Variants in KLF8 observed in about 807,000 individuals in gnomAD.
KLF8 encodes the protein Krueppel-like factor 8.
A neutral mutation model predicts 18.2 loss-of-function variants in KLF8; 10 were observed. The ratio of observed to expected loss-of-function variants is 0.55; its 90% confidence interval spans 0.34 to 0.93. KLF8 has a LOEUF of 0.93. Ranked by LOEUF, KLF8 falls within the 40% of genes least tolerant of loss-of-function variation. The pLI, the probability that KLF8 is intolerant of heterozygous loss-of-function variation, is 0.02. For synonymous variants in KLF8, 109 were observed against 97.3 expected (o/e 1.12, Z -0.71); for missense variants, 264 against 277.9 (o/e 0.95, Z 0.36).
the KLF8 span, among the ~76,000 whole-genome samples, chrX:56,077,133 C>A: frequency 8.9e-6 from 1 of 111,843 alleles, no homozygotes; most frequent in South Asian, 3.7e-4. Context: ...TGTGCAGAAG[C>A]TATTTAATTT....
the KLF8 span, among the ~76,000 whole-genome samples, chrX:55,968,794 T>G: frequency 8.9e-6 from 1 of 112,227 alleles, no homozygotes; most frequent in South Asian, 3.7e-4. Flanking sequence ...ATTAAACCTC[T>G]TTCCTTTATA....
At chrX:56,188,489 A>C in the KLF8 span, among the ~76,000 whole-genome samples, 2 of 111,950 alleles carry the variant, frequency 1.8e-5, no homozygotes, top group Admixed American at 9.5e-5. Context: ...CAAGCTACCA[A>C]TGACTTTCTT....
chrX:56,157,062 G>T, the KLF8 span, among the ~76,000 whole-genome samples: 2 of 102,440 alleles, frequency 2.0e-5, no homozygotes, highest in Admixed American at 1.0e-4. Flanking sequence ...CCATAAAAAA[G>T]GATGAGTTCA....
At chrX:56,154,119 G>A in the KLF8 span, among the ~76,000 whole-genome samples, 51 of 110,918 alleles carry the variant, frequency 4.6e-4, no homozygotes, top group African/African-American at 1.3e-3. Flanking sequence ...AGCCCACATC[G>A]CCAAGTCAAT....
chrX:56,209,025 G>A, the KLF8 span, among the ~76,000 whole-genome samples: 2 of 111,562 alleles, frequency 1.8e-5, no homozygotes, highest in African/African-American at 3.3e-5. Context: ...TTGATTTTCC[G>A]TCTAGAAGAT....
At chrX:56,268,754 G>A (rs749087160) in intron 3 of KLF8, 684 of 781,751 alleles carry the variant, frequency 8.7e-4, no homozygotes, top group Non-Finnish European at 1.0e-3. Flanking sequence ...CTAGGAGACT[G>A]TTGACCACCT....
the KLF8 span, among the ~76,000 whole-genome samples, chrX:55,922,549 A>G: frequency 8.9e-6 from 1 of 112,483 alleles, no homozygotes; most frequent in East Asian, 2.8e-4. Context: ...TAGGTGCAGC[A>G]AACCACTATG....
At chrX:56,118,838 T>C in the KLF8 span, among the ~76,000 whole-genome samples, 1 of 112,198 alleles carries the variant, frequency 8.9e-6, no homozygotes, top group Non-Finnish European at 1.9e-5. Context: ...CTGAAGTTTC[T>C]AATTTAGATT....
the KLF8 span, among the ~76,000 whole-genome samples, chrX:56,158,758 G>T: frequency 1.2e-3 from 140 of 112,251 alleles, 1 homozygote; most frequent in Admixed American, 3.5e-3. Context: ...CTTTGCTGAA[G>T]TTGCCTATCA....
the KLF8 span, among the ~76,000 whole-genome samples, chrX:56,049,564 T>G: frequency 4.7e-5 from 5 of 105,841 alleles, no homozygotes; most frequent in East Asian, 2.9e-4. Context: ...TATGCTGGAT[T>G]ACATTTATTG....
At chrX:56,010,337 C>T in the KLF8 span, among the ~76,000 whole-genome samples, 82 of 110,529 alleles carry the variant, frequency 7.4e-4, no homozygotes, top group African/African-American at 2.8e-3. Flanking sequence ...AATTTTCAAC[C>T]CAAAATTTCA....
the KLF8 span, among the ~76,000 whole-genome samples, chrX:55,935,146 C>A: frequency 8.9e-6 from 1 of 112,394 alleles, no homozygotes; most frequent in South Asian, 3.6e-4. Context: ...ATACTAAGTG[C>A]TGGTGAATGT....
the KLF8 span, among the ~76,000 whole-genome samples, chrX:56,068,930 T>C: frequency 3.6e-5 from 4 of 112,387 alleles, no homozygotes; most frequent in Non-Finnish European, 7.5e-5. Flanking sequence ...CAGGTGGAAG[T>C]CCCAGCTTTG....
At chrX:56,073,082 G>A in the KLF8 span, among the ~76,000 whole-genome samples, 1 of 108,819 alleles carries the variant, frequency 9.2e-6, no homozygotes, top group South Asian at 4.1e-4. Context: ...CGCCTCCCGG[G>A]TTCACGCCAT....
the KLF8 span, among the ~76,000 whole-genome samples, chrX:55,929,199 G>A: frequency 9.8e-5 from 11 of 112,086 alleles, no homozygotes; most frequent in South Asian, 3.7e-4. Flanking sequence ...CATATCCTTC[G>A]CCCACTTTTT....
chrX:56,168,474 C>T, the KLF8 span, among the ~76,000 whole-genome samples: 1 of 111,915 alleles, frequency 8.9e-6, no homozygotes, highest in Middle Eastern at 4.2e-3. Flanking sequence ...TGTTTATGAC[C>T]TTTTACACAT....
chrX:56,255,954 A>G (rs2066788086), intron 2 of KLF8, among the ~76,000 whole-genome samples: 1 of 111,662 alleles, frequency 9.0e-6, no homozygotes, highest in Admixed American at 9.5e-5. Flanking sequence ...TTTCAGTAGA[A>G]TTGGTATGAG....
chrX:56,219,013 AAAC>A, the KLF8 span, among the ~76,000 whole-genome samples: 2 of 112,220 alleles, frequency 1.8e-5, no homozygotes, highest in East Asian at 2.8e-4. Context: ...ACACTAAACA[AAAC>A]AACATTTTTT....
the KLF8 span, among the ~76,000 whole-genome samples, chrX:55,919,720 C>T: frequency 1.8e-5 from 2 of 111,392 alleles, no homozygotes; most frequent in Non-Finnish European, 3.8e-5. Flanking sequence ...CCACAGCAAG[C>T]CCGGCCCAAG....
Sources: allele counts gnomAD v4.1 joint callset (sites outside exome capture counted in the v4.1 genomes callset), GRCh38; gene constraint gnomAD v4.1.1; transcripts MANE v1.5; gene names NCBI Gene and HGNC (gene_info 2026-07-23, HGNC 2026-07-21).